The following SLC39A6 variants were observed in gnomAD, a reference collection of about 807,000 sequenced individuals.
SLC39A6 encodes solute carrier family 39 member 6.
A neutral mutation model predicts 63.5 loss-of-function variants in SLC39A6; 51 were observed. That is an observed-to-expected ratio of 0.80 (90% CI 0.64 to 1.01). The LOEUF (loss-of-function observed/expected upper bound fraction) is 1.01, where lower values mean the gene tolerates loss of function less well. Ranked by LOEUF, SLC39A6 falls within the 50% of genes least tolerant of loss-of-function variation. The probability of loss-of-function intolerance (pLI) is 0.00; values close to 1 mark genes in which losing one functional copy is unlikely to be tolerated. For synonymous variants in SLC39A6, 318 were observed against 324.7 expected (o/e 0.98, Z 0.22); for missense variants, 805 against 927.8 (o/e 0.87, Z 1.72).
chr18:36,120,094 TAAA>T (rs1271214106), intron 5 of SLC39A6, among the ~76,000 whole-genome samples: 5 of 151,998 alleles, frequency 3.3e-5, no homozygotes, highest in Non-Finnish European at 7.4e-5. Context: ...GCAGAAGACT[TAAA>T]GAAGTAGGAA....
intron 6 of SLC39A6, among the ~76,000 whole-genome samples, chr18:36,115,521 C>G (rs1445135429): frequency 6.6e-6 from 1 of 151,912 alleles, no homozygotes; most frequent in East Asian, 1.9e-4. Flanking sequence ...GTGGTCTAGG[C>G]ACAGTGGCTC....
At chr18:36,111,398 C>A in intron 8 of SLC39A6, 149 bp from the exon 9 acceptor site, 1 of 680,356 alleles carries the variant, frequency 1.5e-6, no homozygotes. Context: ...AGGGTTAAAG[C>A]AGTGTTAGTA....
chr18:36,116,904 C>T (rs1598707806), intron 5 of SLC39A6, 125 bp from the exon 6 acceptor site: 1 of 630,828 alleles, frequency 1.6e-6, no homozygotes, highest in Admixed American at 3.0e-5. Flanking sequence ...TAAGTATGTT[C>T]CCACACTAGC....
At chr18:36,124,142 C>T (rs1475678940) in intron 3 of SLC39A6, among the ~76,000 whole-genome samples, 7 of 152,050 alleles carry the variant, frequency 4.6e-5, no homozygotes, top group Non-Finnish European at 1.0e-4. Flanking sequence ...TGAGACCCTA[C>T]GCTATAGCAG....
At position 36,122,284 on chromosome 18, in the gene SLC39A6, A is replaced by T. The variant is rs748325891; in HGVS notation, c.1141-14T>A. 1 of 1,582,668 alleles carries T rather than the reference A, an allele frequency of 6.3e-7. No individual in the cohort carries two copies. ...ACTTGCATGAGACTGAAGGCAAAAT[A>T]ATTTGTTATTTATAAATTCATCAGT... is the stretch of plus-strand genomic sequence containing the variant. On this transcript the variant is annotated splice_polypyrimidine_tract_variant and intron_variant, in intron 4 of 9. Transcript: ENST00000269187.
Position 36,126,521 on chromosome 18 carries a change from C to T in SLC39A6, c.487G>A (p.Gly163Arg). 1 of 1,614,224 alleles carries T rather than the reference C, an allele frequency of 6.2e-7. No individual in the cohort carries two copies. Among genetic ancestry groups the T allele is most frequent in the South Asian group, 1.1e-5 (1 of 91,082 alleles). Residue 163 changes from glycine (G) to arginine (R), a missense_variant, in exon 2 of 10, where the codon GGG becomes AGG. Physicochemically the swap from Gly to Arg is moderately radical, Grantham distance 125. Around this residue, in one of 4 missense-constraint regions of SLC39A6, gnomAD observed 639 missense variants for 644.0 expected, o/e 0.99. Transcript: ENST00000269187. ...SSGKDPRNSQ[G>R]KGAHRPEHAS... ...TGTTCTGGTCGGTGAGCTCCTTTCCCCTGGCTGTTTCTAGGATCTTTACCT... is the reference window on the plus strand; with the variant it reads ...TGTTCTGGTCGGTGAGCTCCTTTCCTCTGGCTGTTTCTAGGATCTTTACCT...
Position 36,126,364 on chromosome 18 carries a change from G to T in SLC39A6, c.644C>A (p.Pro215His). 1 of 1,614,200 alleles carries T rather than the reference G, an allele frequency of 6.2e-7. No individual in the cohort carries two copies. Among genetic ancestry groups the T allele is most frequent in the Non-Finnish European group, 8.5e-7 (1 of 1,180,034 alleles). ...IETPRPGKLF[P>H]KDVSSSTPPS... ...TGGAGTGGAGCTGCTTACATCTTTG[G>T]GGAAGAGTTTTCCAGGTCTTGGAGT... The change falls in exon 2 of 10, where the codon CCC (proline) becomes CAC (histidine). Residue 215 changes from proline (P) to histidine (H), a missense_variant. Around this residue, in one of 4 missense-constraint regions of SLC39A6, gnomAD observed 639 missense variants for 644.0 expected, o/e 0.99. Coordinates refer to ENST00000269187, the MANE Select transcript of SLC39A6 (RefSeq NM_012319.4).
chr18:36,126,628 T>A lies in SLC39A6; in HGVS notation c.380A>T (p.Asp127Val), dbSNP rs370275259. 39 of 1,613,454 alleles carry A rather than the reference T, an allele frequency of 2.4e-5. No homozygotes were observed. Among genetic ancestry groups the A allele is most frequent in the Non-Finnish European group, 3.1e-5 (36 of 1,179,538 alleles). Residue 127 changes from aspartate (D) to valine (V), a missense_variant, in exon 2 of 10, where the codon GAT becomes GTT. By Grantham distance (152) the Asp-to-Val change is radical (BLOSUM62 -3). Around this residue, in one of 4 missense-constraint regions of SLC39A6, gnomAD observed 639 missense variants for 644.0 expected, o/e 0.99. Coordinates refer to ENST00000269187, the MANE Select transcript of SLC39A6 (RefSeq NM_012319.4). ...HSEHEHHSDHDHHSHHNHAAS... is the reference protein window; with the variant it reads ...HSEHEHHSDHVHHSHHNHAAS... ...AGCATGATTATGGTGAGAGTGATGA[T>A]CATGGTCAGAGTGATGCTCGTGCTC...
rs759117233 is a variant in SLC39A6 at position 36,114,392 on chromosome 18, C to CTCT, written c.1545_1547dup (p.Glu516dup). 5 of 1,614,204 alleles carry CTCT rather than the reference C, an allele frequency of 3.1e-6. No homozygotes were observed. The African/African-American group carries it at 6.7e-5, about 22-fold the overall frequency. On this transcript the variant is annotated inframe_insertion, in exon 7 of 10. Coordinates refer to ENST00000269187, the MANE Select transcript of SLC39A6 (RefSeq NM_012319.4). Reference sequence around the variant, plus strand: ...GTGGATGAGCATGAGCTATCATGACCTCTTCTTCTTCCAAGACTGCAGGCT... The same window carrying CTCT: ...GTGGATGAGCATGAGCTATCATGACCTCTTCTTCTTCTTCCAAGACTGCAGGCT...
intron 6 of SLC39A6, among the ~76,000 whole-genome samples, chr18:36,115,460 A>AC (rs1222456867): frequency 8.3e-6 from 1 of 120,900 alleles, no homozygotes; most frequent in African/African-American, 3.2e-5. Flanking sequence ...AAAAAAAATT[A>AC]AAACAACAAC....
chr18:36,117,884 A>G (rs1443394908), intron 5 of SLC39A6, among the ~76,000 whole-genome samples: 1 of 152,110 alleles, frequency 6.6e-6, no homozygotes. Context: ...ACAAAAAATT[A>G]GCCGGGCGTG....
chr18:36,117,109 C>T (rs749031241), intron 5 of SLC39A6, among the ~76,000 whole-genome samples: 4 of 152,152 alleles, frequency 2.6e-5, no homozygotes, highest in Non-Finnish European at 4.4e-5. Flanking sequence ...TGGTGGCATG[C>T]GCCTGTATTC....
At position 36,111,155 on chromosome 18, in the gene SLC39A6, T is replaced by G; in HGVS notation, c.2019A>C (p.Ala673=). The change falls in exon 9 of 10, where the codon GCA becomes GCC. Residue 673 remains alanine (A), a synonymous_variant. Transcript: ENST00000269187. ...LSAMLAYLGM[A]TGIFIGHYAE... is the part of the protein sequence containing the mutation. ...CATAATGACCAATGAAAATTCCTGTTGCCATTCCAAGATACGCCAGCATGG... is the reference window on the plus strand; with the variant it reads ...CATAATGACCAATGAAAATTCCTGTGGCCATTCCAAGATACGCCAGCATGG... 2 of 1,614,192 alleles carry G rather than the reference T, an allele frequency of 1.2e-6. No homozygotes were observed. The highest frequency in any genetic ancestry group is 1.7e-6 in the Non-Finnish European group (2 of 1,180,008).
intron 6 of SLC39A6, among the ~76,000 whole-genome samples, chr18:36,116,014 G>T (rs1175502696): frequency 6.6e-6 from 1 of 152,130 alleles, no homozygotes; most frequent in East Asian, 1.9e-4. Context: ...ACCTAATCAT[G>T]CAAAAATACT....
At chr18:36,113,231 A>ACT (rs1191286493) in intron 7 of SLC39A6, among the ~76,000 whole-genome samples, 1 of 151,874 alleles carries the variant, frequency 6.6e-6, no homozygotes, top group African/African-American at 2.4e-5. Context: ...GGCAGCTGGG[A>ACT]CTACAGGTGT....
intron 7 of SLC39A6, among the ~76,000 whole-genome samples, chr18:36,113,185 C>A (rs1045646187): frequency 3.3e-5 from 5 of 151,918 alleles, no homozygotes; most frequent in African/African-American, 4.8e-5. Context: ...ACCTCAAACT[C>A]CCGGGCTCAA....
intron 8 of SLC39A6, among the ~76,000 whole-genome samples, chr18:36,111,793 T>C (rs1307965764): frequency 6.6e-6 from 1 of 152,194 alleles, no homozygotes; most frequent in African/African-American, 2.4e-5. Context: ...CCAGATACCT[T>C]AACCAAAAAA....
chr18:36,112,394 G>A (rs920390497), intron 8 of SLC39A6, 107 bp downstream of exon 8: 11 of 776,886 alleles, frequency 1.4e-5, no homozygotes, highest in Middle Eastern at 4.7e-4. Context: ...AGACTTATGA[G>A]AAGGCATGAA....
At chr18:36,121,133 T>C (rs2089389888) in intron 5 of SLC39A6, among the ~76,000 whole-genome samples, 1 of 151,752 alleles carries the variant, frequency 6.6e-6, no homozygotes, top group South Asian at 2.1e-4. Flanking sequence ...AATGTTGAGA[T>C]ATGAACACAT....
Sources: allele counts gnomAD v4.1 joint callset (sites outside exome capture counted in the v4.1 genomes callset), GRCh38; gene constraint gnomAD v4.1.1; regional missense constraint gnomAD v4.1.1; transcripts MANE v1.5; gene names NCBI Gene and HGNC (gene_info 2026-07-23, HGNC 2026-07-21).